CNTN5: variants seen among roughly 807,000 people sequenced by gnomAD.
CNTN5 encodes the protein contactin-5.
In CNTN5, 77 loss-of-function variants were observed where a neutral mutation model predicts 129.1. The observed-to-expected ratio is 0.60, with a 90% CI of 0.50 to 0.72. The LOEUF (loss-of-function observed/expected upper bound fraction) is 0.72. Among genes scored for constraint, CNTN5 ranks in the 30% least tolerant of loss-of-function variants. The pLI is 0.00. For missense variants in CNTN5, 1,478 were observed against 1,328.8 expected (o/e 1.11, Z -1.75); for synonymous variants, 509 against 465.6 (o/e 1.09, Z -1.20).
chr11:99,620,980 T>TC (rs899605156), intron 3 of CNTN5, among the ~76,000 whole-genome samples: 2 of 118,920 alleles, frequency 1.7e-5, no homozygotes, highest in Admixed American at 2.1e-4. Context: ...GTATGCCTAT[T>TC]TTTTTTCATT....
chr11:99,791,596 C>G (rs867700495), intron 3 of CNTN5, among the ~76,000 whole-genome samples: 2 of 152,126 alleles, frequency 1.3e-5, no homozygotes, highest in Non-Finnish European at 2.9e-5. Context: ...CTTGGCTATT[C>G]AAGCTCTTTT....
At chr11:99,881,925 C>T (rs1948781837) in intron 6 of CNTN5, among the ~76,000 whole-genome samples, 1 of 152,184 alleles carries the variant, frequency 6.6e-6, no homozygotes, top group African/African-American at 2.4e-5. Flanking sequence ...AGATCACAGT[C>T]TTAGCTATTA....
At chr11:99,887,623 G>A (rs1948933809) in intron 6 of CNTN5, among the ~76,000 whole-genome samples, 1 of 152,182 alleles carries the variant, frequency 6.6e-6, no homozygotes, top group African/African-American at 2.4e-5. Flanking sequence ...AACCTCAAAA[G>A]TAGGAAAGCT....
intron 21 of CNTN5, among the ~76,000 whole-genome samples, chr11:100,316,487 T>C (rs1009268752): frequency 6.6e-6 from 1 of 152,184 alleles, no homozygotes; most frequent in African/African-American, 2.4e-5. Context: ...TTTCTTAGCA[T>C]CCTGATCCTC....
At chr11:99,173,567 C>G (rs1186967476) in intron 1 of CNTN5, among the ~76,000 whole-genome samples, 1 of 152,074 alleles carries the variant, frequency 6.6e-6, no homozygotes, top group Non-Finnish European at 1.5e-5. Flanking sequence ...TTCATTGGGG[C>G]AGACTGGGAC....
intron 2 of CNTN5, among the ~76,000 whole-genome samples, chr11:99,461,752 A>G (rs2656193): frequency 0.54 from 81,606 of 151,860 alleles, 23,046 homozygotes; most frequent in Middle Eastern, 0.71. Flanking sequence ...ACTCTTTTCC[A>G]TGTCTGAATA....
intron 3 of CNTN5, among the ~76,000 whole-genome samples, chr11:99,582,606 A>C (rs1331868394): frequency 6.6e-6 from 1 of 151,988 alleles, no homozygotes; most frequent in African/African-American, 2.4e-5. Flanking sequence ...CCTTTCTTCC[A>C]GTTGATCTCA....
intron 3 of CNTN5, among the ~76,000 whole-genome samples, chr11:99,690,914 T>C (rs1395012582): frequency 6.6e-6 from 1 of 152,110 alleles, no homozygotes; most frequent in African/African-American, 2.4e-5. Context: ...TGGTAGGCAA[T>C]TTATTACCAC....
At position 99,657,067 on chromosome 11, in the gene CNTN5, GAAAAA is replaced by G. The variant is rs35174748; in HGVS notation, c.55+100806_55+100810del. Reference sequence around the variant, plus strand: ...TGTCCCAGTGCCCAACAAAAAATAAGAAAAAAAAAAAAGAGAAAAAAAATAAATCT... The same window carrying G: ...TGTCCCAGTGCCCAACAAAAAATAAGAAAAAAAGAGAAAAAAAATAAATCT... On this transcript the variant is annotated intron_variant, in intron 3 of 24. Coordinates refer to ENST00000524871, the MANE Select transcript of CNTN5 (RefSeq NM_014361.4). Among the ~76,000 whole-genome samples, 1,370 of 140,946 alleles carry G rather than the reference GAAAAA, an allele frequency of 9.7e-3. 5 individuals carry two copies. Among genetic ancestry groups the G allele is most frequent in the Non-Finnish European group, 0.015 (970 of 65,300 alleles). 92.5% of individuals were successfully genotyped at this position (140,946 alleles called of 152,430 possible). A position where few individuals can be genotyped will look rare whatever the true frequency, so the allele number is the denominator to read the frequency against.
intron 1 of CNTN5, among the ~76,000 whole-genome samples, chr11:99,077,455 A>G (rs1020930226): frequency 1.3e-5 from 2 of 152,310 alleles, no homozygotes; most frequent in East Asian, 1.9e-4. Flanking sequence ...TACAGTTTGT[A>G]TATTATTTAT....
At chr11:99,993,369 G>A (rs1939243667) in intron 8 of CNTN5, among the ~76,000 whole-genome samples, 2 of 152,116 alleles carry the variant, frequency 1.3e-5, no homozygotes, top group South Asian at 4.1e-4. Context: ...TTGACTCTCA[G>A]TTACCTCATT....
At chr11:99,155,229 A>G (rs922822367) in intron 1 of CNTN5, among the ~76,000 whole-genome samples, 2 of 152,106 alleles carry the variant, frequency 1.3e-5, no homozygotes, top group Non-Finnish European at 2.9e-5. Context: ...TCCTCGCTCC[A>G]TTTACTTTCA....
At chr11:99,515,453 C>T (rs78126324) in intron 2 of CNTN5, among the ~76,000 whole-genome samples, 8,815 of 152,008 alleles carry the variant, frequency 0.058, 263 homozygotes, top group South Asian at 0.08. Flanking sequence ...CTTAATAGAA[C>T]AAACTGACAA....
At chr11:99,350,839 T>C (rs1008004954) in intron 2 of CNTN5, among the ~76,000 whole-genome samples, 5 of 152,102 alleles carry the variant, frequency 3.3e-5, no homozygotes, top group Admixed American at 1.3e-4. Context: ...ATGTGTATGA[T>C]AATTTTCTGT....
At chr11:99,675,941 A>G (rs1953261971) in intron 3 of CNTN5, among the ~76,000 whole-genome samples, 1 of 152,126 alleles carries the variant, frequency 6.6e-6, no homozygotes, top group African/African-American at 2.4e-5. Context: ...GTGAGAAAAT[A>G]CTTTGAAAAA....
chr11:99,107,993 G>T (rs1857595910), intron 1 of CNTN5, among the ~76,000 whole-genome samples: 2 of 150,312 alleles, frequency 1.3e-5, no homozygotes, highest in South Asian at 4.2e-4. Context: ...ATTTGGAGAG[G>T]AAGGAATGTG....
chr11:99,792,464 T>C (rs1222853938), intron 3 of CNTN5, among the ~76,000 whole-genome samples: 1 of 152,010 alleles, frequency 6.6e-6, no homozygotes, highest in Non-Finnish European at 1.5e-5. Context: ...TGCTGCTGGA[T>C]ATGGATATGG....
chr11:99,658,340 A>C (rs951492373), intron 3 of CNTN5, among the ~76,000 whole-genome samples: 41 of 152,160 alleles, frequency 2.7e-4, no homozygotes, highest in African/African-American at 9.9e-4. Context: ...AGAACAAGTG[A>C]ATAGAGTCAG....
At chr11:99,788,476 CA>C (rs1215353099) in intron 3 of CNTN5, among the ~76,000 whole-genome samples, 1 of 151,854 alleles carries the variant, frequency 6.6e-6, no homozygotes, top group Non-Finnish European at 1.5e-5. Context: ...AGCTCATAAA[CA>C]CATTATTTTT....
Sources: allele counts gnomAD v4.1 joint callset (sites outside exome capture counted in the v4.1 genomes callset), GRCh38; gene constraint gnomAD v4.1.1; transcripts MANE v1.5; gene names NCBI Gene and HGNC (gene_info 2026-07-23, HGNC 2026-07-21).